SEPTIN7: variants seen among roughly 807,000 people sequenced by gnomAD.
SEPTIN7 encodes the protein septin-7.
Under a neutral mutation model 63.3 loss-of-function variants are expected in SEPTIN7, and 10 were observed. The observed-to-expected ratio is 0.16, with a 90% CI of 0.10 to 0.27. The LOEUF is 0.27. Ranked by LOEUF, SEPTIN7 falls within the 10% of genes least tolerant of loss-of-function variation. SEPTIN7 has a pLI of 1.00. For missense variants in SEPTIN7, 310 were observed against 521.0 expected, an observed-to-expected ratio of 0.59 and a Z score of 3.94; for synonymous variants, 131 against 165.3, an observed-to-expected ratio of 0.79 and a Z score of 1.59.
intron 10 of SEPTIN7, among the ~76,000 whole-genome samples, chr7:35,887,273 C>T (rs780322618): frequency 1.3e-5 from 2 of 152,160 alleles, no homozygotes; most frequent in Non-Finnish European, 2.9e-5. Context: ...ATAACTTTTT[C>T]TTGTGTATTT....
rs149463943 is a variant in SEPTIN7 at position 35,809,227 on chromosome 7, G to A, written c.61+7957G>A. Among the ~76,000 whole-genome samples, 8 of 152,290 alleles carry A rather than the reference G, an allele frequency of 5.3e-5. No individual in the cohort carries two copies. In the East Asian group the frequency reaches 1.5e-3, roughly 29 times the overall value. ...GAGGCATGGTGATTAAGAGTTTTCG[G>A]ATCTAGAGTCAGACTTGGATTCATA... On this transcript the variant is annotated intron_variant, in intron 1 of 13. Coordinates refer to ENST00000350320, the MANE Select transcript of SEPTIN7 (RefSeq NM_001788.6).
chr7:35,813,749 A>G (rs111378151), intron 1 of SEPTIN7, among the ~76,000 whole-genome samples: 2 of 152,190 alleles, frequency 1.3e-5, no homozygotes, highest in African/African-American at 2.4e-5. Flanking sequence ...AGGAAGGCCC[A>G]TATCAAAACT....
chr7:35,902,947 T>A, intron 12 of SEPTIN7, 129 bp from the exon 13 acceptor site: 1 of 1,295,122 alleles, frequency 7.7e-7, no homozygotes, highest in Non-Finnish European at 1.0e-6. Context: ...TTCCAGGTAG[T>A]ACTCTGAATT....
chr7:35,810,385 G>A (rs1188037219), intron 1 of SEPTIN7, among the ~76,000 whole-genome samples: 2 of 150,414 alleles, frequency 1.3e-5, no homozygotes, highest in Admixed American at 6.6e-5. Context: ...GTGCAGTGGC[G>A]CGATCTCAGC....
At chr7:35,802,004 C>CT (rs1215604017) in intron 1 of SEPTIN7, among the ~76,000 whole-genome samples, 1 of 152,028 alleles carries the variant, frequency 6.6e-6, no homozygotes, top group Non-Finnish European at 1.5e-5. Flanking sequence ...GGAATTTGGG[C>CT]TTAATTTTTA....
chr7:35,859,864 G>A (rs538156094), intron 3 of SEPTIN7, among the ~76,000 whole-genome samples: 2 of 152,150 alleles, frequency 1.3e-5, no homozygotes, highest in South Asian at 4.1e-4. Flanking sequence ...TTGAACCTAT[G>A]TGTTTTCTTA....
chr7:35,900,591 A>G (rs1281377604), intron 12 of SEPTIN7: 1 of 152,232 alleles, frequency 6.6e-6, no homozygotes, highest in East Asian at 1.9e-4. Flanking sequence ...AAAGGGGGAA[A>G]AAAACAGGAA....
intron 2 of SEPTIN7, chr7:35,832,250 G>C (rs1161909468): frequency 2.9e-6 from 1 of 347,926 alleles, no homozygotes; most frequent in African/African-American, 2.2e-5. Flanking sequence ...CAGCTTGAAT[G>C]ATACTGTAGC....
At position 35,805,280 on chromosome 7, in the gene SEPTIN7, A is replaced by G. The variant is rs555073308; in HGVS notation, c.61+4010A>G. Among the ~76,000 whole-genome samples the G allele has an allele frequency of 7.9e-5, 12 of 152,352 alleles. No individual in the cohort carries two copies. The South Asian group carries it at 1.4e-3, about 18-fold the overall frequency. On this transcript the variant is annotated intron_variant, in intron 1 of 13. Transcript: ENST00000350320. ...GTGATATGAATTTTTTTAGCTCCATAGTAATCTTATGGGACTACTGTCATA... is the reference window on the plus strand; with the variant it reads ...GTGATATGAATTTTTTTAGCTCCATGGTAATCTTATGGGACTACTGTCATA...
intron 3 of SEPTIN7, among the ~76,000 whole-genome samples, chr7:35,839,196 C>T: frequency 6.6e-6 from 1 of 151,962 alleles, no homozygotes; most frequent in East Asian, 1.9e-4. Flanking sequence ...CATGCTAATT[C>T]CTGAATTACA....
At position 35,869,796 on chromosome 7, in the gene SEPTIN7, A is replaced by G. The variant is rs151063019; in HGVS notation, c.277-2870A>G. On this transcript the variant is annotated intron_variant, in intron 4 of 13. Transcript: ENST00000350320. ...AGAGGTCTCAATAGATGAATTATAC[A>G]TAGATGATACATGGACGATAGCTTT... is the stretch of plus-strand genomic sequence containing the variant. 4.9e-3 allele frequency among the ~76,000 whole-genome samples: 742 copies of G among 152,308 alleles called. 4 individuals carry two copies. Among genetic ancestry groups the G allele is most frequent in the Non-Finnish European group, 7.6e-3 (519 of 68,018 alleles).
intron 1 of SEPTIN7, among the ~76,000 whole-genome samples, chr7:35,801,482 TGAG>T (rs1331317535): frequency 1.3e-5 from 2 of 148,342 alleles, no homozygotes; most frequent in African/African-American, 5.0e-5. Context: ...GAATTGAACG[TGAG>T]GAGAGCCGAG....
chr7:35,878,117 G>A (rs1206136059), intron 6 of SEPTIN7, among the ~76,000 whole-genome samples: 1 of 152,102 alleles, frequency 6.6e-6, no homozygotes, highest in African/African-American at 2.4e-5. Context: ...TAGTTAGTGA[G>A]GACCCATCTG....
At chr7:35,832,512 TACTA>T (rs1403836075) in intron 2 of SEPTIN7, among the ~76,000 whole-genome samples, 1 of 152,116 alleles carries the variant, frequency 6.6e-6, no homozygotes. Context: ...ATCATCTTGT[TACTA>T]ACTACTGTCA....
At chr7:35,870,918 A>G (rs1338993202) in intron 4 of SEPTIN7, among the ~76,000 whole-genome samples, 1 of 151,342 alleles carries the variant, frequency 6.6e-6, no homozygotes, top group Non-Finnish European at 1.5e-5. Context: ...TGCCTCTCTC[A>G]TGTTATTAGG....
At chr7:35,812,833 C>T (rs1466868058) in intron 1 of SEPTIN7, among the ~76,000 whole-genome samples, 1 of 152,074 alleles carries the variant, frequency 6.6e-6, no homozygotes, top group Non-Finnish European at 1.5e-5. Flanking sequence ...ATAAATATGT[C>T]TATTATTTAT....
intron 9 of SEPTIN7, among the ~76,000 whole-genome samples, chr7:35,884,927 A>G (rs1311039480): frequency 1.3e-5 from 2 of 152,220 alleles, no homozygotes; most frequent in Non-Finnish European, 2.9e-5. Flanking sequence ...GTATTGGTTT[A>G]ATCTGATACT....
intron 1 of SEPTIN7, among the ~76,000 whole-genome samples, chr7:35,827,330 C>A (rs1459557697): frequency 1.3e-5 from 2 of 151,754 alleles, no homozygotes; most frequent in African/African-American, 4.8e-5. Context: ...TGTTCCTTAT[C>A]CCGAGATATT....
At chr7:35,850,726 T>G (rs1392344943) in intron 3 of SEPTIN7, among the ~76,000 whole-genome samples, 1 of 152,202 alleles carries the variant, frequency 6.6e-6, no homozygotes, top group Non-Finnish European at 1.5e-5. Context: ...GATAAAATTC[T>G]GCCTTGTTTG....
Sources: gnomAD v4.1 joint callset for allele counts (sites outside exome capture counted in the v4.1 genomes callset) on GRCh38, gnomAD v4.1.1 for gene constraint, MANE v1.5 for transcripts, NCBI Gene and HGNC (gene_info 2026-07-23, HGNC 2026-07-21) for gene names.